Variants in GPC5 observed in about 807,000 individuals in gnomAD.
The protein encoded by GPC5 is glypican 5, also known as glypican-5.
GPC5 carries 47 observed loss-of-function variants against 53.9 expected under a neutral mutation model. That is an observed-to-expected ratio of 0.87 (90% CI 0.69 to 1.11). GPC5 has a LOEUF of 1.11. GPC5 is among the 50% of genes most tolerant of loss of function. The pLI is 0.00. For synonymous variants in GPC5, 286 were observed against 263.3 expected (o/e 1.09, Z -0.84); for missense variants, 748 against 713.1 (o/e 1.05, Z -0.56).
chr13:91,990,428 A>C (rs1205579533), intron 6 of GPC5, among the ~76,000 whole-genome samples: 1 of 152,138 alleles, frequency 6.6e-6, no homozygotes, highest in Non-Finnish European at 1.5e-5. Context: ...GTATGTATGT[A>C]AAAATTGCAG....
intron 7 of GPC5, among the ~76,000 whole-genome samples, chr13:92,668,964 T>C (rs975827787): frequency 1.3e-5 from 2 of 152,130 alleles, no homozygotes; most frequent in Non-Finnish European, 2.9e-5. Flanking sequence ...TAGAAATTTA[T>C]TGCATATTTG....
At chr13:91,518,194 G>A (rs1053497194) in intron 2 of GPC5, among the ~76,000 whole-genome samples, 5 of 152,166 alleles carry the variant, frequency 3.3e-5, no homozygotes, top group Admixed American at 2.0e-4. Context: ...ATATCAAGTA[G>A]CATGTATAAG....
chr13:92,270,394 AG>A (rs895395299), intron 7 of GPC5, among the ~76,000 whole-genome samples: 1 of 152,112 alleles, frequency 6.6e-6, no homozygotes, highest in African/African-American at 2.4e-5. Flanking sequence ...GTTGTTTAAA[AG>A]TGTGTAGCAC....
intron 2 of GPC5, among the ~76,000 whole-genome samples, chr13:91,662,706 G>C (rs1252951915): frequency 6.6e-6 from 1 of 151,874 alleles, no homozygotes; most frequent in Admixed American, 6.6e-5. Flanking sequence ...TTCTCACCTG[G>C]ACTATTACCC....
chr13:91,548,838 A>G (rs746841014), intron 2 of GPC5, among the ~76,000 whole-genome samples: 4 of 152,256 alleles, frequency 2.6e-5, no homozygotes, highest in Non-Finnish European at 5.9e-5. Flanking sequence ...AGCAAAGACA[A>G]TACAAAGGAG....
chr13:92,640,922 G>A (rs1476073884), intron 7 of GPC5, among the ~76,000 whole-genome samples: 1 of 137,448 alleles, frequency 7.3e-6, no homozygotes, highest in African/African-American at 2.7e-5. Flanking sequence ...GAAATAGAAC[G>A]TTACTTTCAA....
intron 7 of GPC5, among the ~76,000 whole-genome samples, chr13:92,811,711 T>G (rs1331240566): frequency 1.3e-5 from 2 of 152,016 alleles, no homozygotes. Flanking sequence ...CCCCTATATT[T>G]TTTTCTAAGA....
At position 92,347,872 on chromosome 13, in the gene GPC5, A is replaced by G. The variant is rs1313693303; in HGVS notation, c.1561+202883A>G. Among the ~76,000 whole-genome samples, 4 of 14,102 alleles carry G rather than the reference A, an allele frequency of 2.8e-4. 1 individual carries two copies. The highest frequency in any genetic ancestry group is 6.8e-4 in the African/African-American group (1 of 1,480). The allele number at this position is 14,102 out of a possible 152,430, so 9.3% of individuals were successfully genotyped here. On this transcript the variant is annotated intron_variant, in intron 7 of 7. Coordinates refer to ENST00000377067, the MANE Select transcript of GPC5 (RefSeq NM_004466.6). Reference sequence around the variant, plus strand: ...TTTTATACATATATATATTATATATATAATATATATTATATATATTATATA... The same window carrying G: ...TTTTATACATATATATATTATATATGTAATATATATTATATATATTATATA...
At chr13:92,239,149 T>G (rs2042591094) in intron 7 of GPC5, among the ~76,000 whole-genome samples, 1 of 138,472 alleles carries the variant, frequency 7.2e-6, no homozygotes, top group South Asian at 2.5e-4. Context: ...TGTGAGTCTT[T>G]CAACTTTTTT....
intron 5 of GPC5, among the ~76,000 whole-genome samples, chr13:91,840,116 A>T (rs2038768082): frequency 6.6e-6 from 1 of 152,070 alleles, no homozygotes; most frequent in African/African-American, 2.4e-5. Flanking sequence ...GACAGGGTCC[A>T]GCTTAATGGC....
At chr13:92,509,218 T>C (rs915263881) in intron 7 of GPC5, among the ~76,000 whole-genome samples, 6 of 152,174 alleles carry the variant, frequency 3.9e-5, no homozygotes, top group Non-Finnish European at 5.9e-5. Flanking sequence ...ATCATTTCCT[T>C]GTATACTTCC....
intron 7 of GPC5, among the ~76,000 whole-genome samples, chr13:92,332,059 A>T (rs182496752): frequency 2.6e-4 from 39 of 152,296 alleles, no homozygotes; most frequent in African/African-American, 9.1e-4. Flanking sequence ...AATATTTTCC[A>T]AACAGTTCAT....
chr13:91,976,741 G>C (rs1025205895), intron 6 of GPC5, among the ~76,000 whole-genome samples: 2 of 152,082 alleles, frequency 1.3e-5, no homozygotes, highest in Admixed American at 6.6e-5. Context: ...TAAGTTTCAG[G>C]CTTTAAGACA....
At chr13:92,718,878 G>A (rs12430852) in intron 7 of GPC5, among the ~76,000 whole-genome samples, 10,122 of 143,846 alleles carry the variant, frequency 0.07, 710 homozygotes, top group East Asian at 0.32. Flanking sequence ...GCAACAGAGT[G>A]AGACTCCGTC....
chr13:92,573,992 A>T (rs1883114498), intron 7 of GPC5, among the ~76,000 whole-genome samples: 2 of 152,088 alleles, frequency 1.3e-5, no homozygotes, highest in Non-Finnish European at 2.9e-5. Context: ...TCCAACCTCC[A>T]ACAAGGCCTG....
intron 5 of GPC5, among the ~76,000 whole-genome samples, chr13:91,817,386 A>T (rs187525935): frequency 6.6e-6 from 1 of 152,184 alleles, no homozygotes; most frequent in Non-Finnish European, 1.5e-5. Flanking sequence ...TTTATTTTGA[A>T]TCCTTTCAGA....
At chr13:92,313,716 G>A (rs2043160460) in intron 7 of GPC5, among the ~76,000 whole-genome samples, 1 of 152,062 alleles carries the variant, frequency 6.6e-6, no homozygotes, top group Non-Finnish European at 1.5e-5. Flanking sequence ...ATCAACACAA[G>A]CTAATCAGAG....
In GPC5 at chr13:91,908,048, T is replaced by A; in HGVS notation, c.1392T>A (p.His464Gln). Residue 464 changes from histidine to glutamine, a missense_variant, in exon 6 of 8, where the codon CAT (histidine) becomes CAA (glutamine). Coordinates refer to ENST00000377067, the MANE Select transcript of GPC5 (RefSeq NM_004466.6). Reference sequence around the variant, plus strand: ...ATCAGATTATTGATAAACTGAAGCATGTTGTTCAGGTAAGTCCTGATCCTA... The same window carrying A: ...ATCAGATTATTGATAAACTGAAGCAAGTTGTTCAGGTAAGTCCTGATCCTA... Reference protein sequence around the residue: ...VINQIIDKLKHVVQLLQGRSP... With the variant: ...VINQIIDKLKQVVQLLQGRSP... 3 of 1,581,206 alleles carry A rather than the reference T, an allele frequency of 1.9e-6. No homozygotes were observed. Among genetic ancestry groups the A allele is most frequent in the Non-Finnish European group, 2.6e-6 (3 of 1,171,088 alleles).
At chr13:92,445,348 G>T (rs1877766381) in intron 7 of GPC5, among the ~76,000 whole-genome samples, 1 of 148,376 alleles carries the variant, frequency 6.7e-6, no homozygotes, top group African/African-American at 2.5e-5. Context: ...AAGTTTTAGG[G>T]TACATGTGCA....
Sources: allele counts gnomAD v4.1 joint callset (sites outside exome capture counted in the v4.1 genomes callset), GRCh38; gene constraint gnomAD v4.1.1; transcripts MANE v1.5; gene names NCBI Gene and HGNC (gene_info 2026-07-23, HGNC 2026-07-21).